The following NXN variants were observed in gnomAD, a reference collection of about 807,000 sequenced individuals.
The protein encoded by NXN is nucleoredoxin 1.
Under a neutral mutation model 48.6 loss-of-function variants are expected in NXN, and 16 were observed. That is an observed-to-expected ratio of 0.33 (90% CI 0.22 to 0.50). NXN has a LOEUF of 0.50. Ranked by LOEUF, NXN falls within the 20% of genes least tolerant of loss-of-function variation. The pLI, the probability that NXN is intolerant of heterozygous loss-of-function variation, is 0.98. For synonymous variants in NXN, 281 were observed against 269.6 expected (o/e 1.04, Z -0.41); for missense variants, 492 against 605.5 (o/e 0.81, Z 1.97).
At chr17:811,843 C>A (rs936660592) in intron 5 of NXN, among the ~76,000 whole-genome samples, 3 of 151,856 alleles carry the variant, frequency 2.0e-5, no homozygotes, top group African/African-American at 7.3e-5. Context: ...TTTGGCAGGC[C>A]CCCTTCACTC....
chr17:806,535 T>C (rs1911535204), intron 5 of NXN, among the ~76,000 whole-genome samples: 1 of 152,012 alleles, frequency 6.6e-6, no homozygotes, highest in African/African-American at 2.4e-5. Context: ...CGGCCCACCC[T>C]TCGGGGACCT....
intron 1 of NXN, chr17:864,065 GA>G: frequency 6.8e-7 from 1 of 1,472,400 alleles, no homozygotes; most frequent in South Asian, 1.3e-5. Flanking sequence ...CGGTTCCGGT[GA>G]AGGGGCACAG....
intron 1 of NXN, among the ~76,000 whole-genome samples, chr17:900,179 C>T (rs1351912672): frequency 6.6e-6 from 1 of 151,634 alleles, no homozygotes; most frequent in Non-Finnish European, 1.5e-5. Context: ...GCAGGAGAAT[C>T]GCTTGAACCC....
chr17:900,610 G>A (rs777086298), intron 1 of NXN, among the ~76,000 whole-genome samples: 1 of 152,140 alleles, frequency 6.6e-6, no homozygotes, highest in Non-Finnish European at 1.5e-5. Flanking sequence ...GAATCTGCCC[G>A]TTCAAGGAGA....
At chr17:873,845 G>A (rs137906001) in intron 1 of NXN, among the ~76,000 whole-genome samples, 58 of 152,246 alleles carry the variant, frequency 3.8e-4, no homozygotes, top group Non-Finnish European at 7.5e-4. Flanking sequence ...ATAGGACAGT[G>A]AGTGAGGGAG....
chr17:960,600 T>A (rs1469639168), intron 1 of NXN, among the ~76,000 whole-genome samples: 1 of 67,398 alleles, frequency 1.5e-5, no homozygotes, highest in Non-Finnish European at 4.7e-5. Flanking sequence ...CACCTCAGCA[T>A]CCTGAGTAGC....
chr17:811,130 G>A (rs1432963885), intron 5 of NXN, among the ~76,000 whole-genome samples: 1 of 152,232 alleles, frequency 6.6e-6, no homozygotes, highest in East Asian at 1.9e-4. Flanking sequence ...GGCAGAGCGG[G>A]AGGAGGTGGC....
intron 1 of NXN, chr17:929,843 T>C (rs1354157765): frequency 6.6e-6 from 1 of 152,120 alleles, no homozygotes; most frequent in Non-Finnish European, 1.5e-5. Context: ...CAAAGACAGC[T>C]GATTCCCATT....
At chr17:803,590 G>C in intron 7 of NXN, 92 bp downstream of exon 7, 1 of 1,532,236 alleles carries the variant, frequency 6.5e-7, no homozygotes, top group Non-Finnish European at 9.0e-7. Flanking sequence ...CTGACCCTGG[G>C]GTCCTTTCAG....
chr17:811,626 C>T (rs907282734), intron 5 of NXN, among the ~76,000 whole-genome samples: 2 of 152,150 alleles, frequency 1.3e-5, no homozygotes, highest in Admixed American at 6.5e-5. Context: ...TCACACAGCC[C>T]GGCTCAGCCC....
At chr17:931,936 T>C (rs542676938) in intron 1 of NXN, among the ~76,000 whole-genome samples, 144 of 147,144 alleles carry the variant, frequency 9.8e-4, no homozygotes, top group Non-Finnish European at 1.9e-3. Flanking sequence ...TCGAGGCCAG[T>C]AGATCAAGAC....
rs757561800 is a variant in NXN at position 805,097 on chromosome 17, T to G, written c.971A>C (p.Asn324Thr). 1 of 1,602,886 alleles carries G rather than the reference T, an allele frequency of 6.2e-7. No homozygotes were observed. The highest frequency in any genetic ancestry group is 8.5e-7 in the Non-Finnish European group (1 of 1,174,906). Residue 324 changes from asparagine to threonine, a missense_variant, in exon 6 of 8, where the codon AAC becomes ACC. Physicochemically the swap from Asn to Thr is moderately conservative, Grantham distance 65. Transcript: ENST00000336868. ...AAAAAGGACGAGGCAGGGGCCCTCG[T>G]TAAGCTGCGCGGCGTTGGAGTCGGA... The part of the protein sequence containing the change: ...ELSDSNAAQL[N>T]EGPCLVLFVD...
intron 1 of NXN, among the ~76,000 whole-genome samples, chr17:894,820 A>T (rs2068458779): frequency 6.6e-6 from 1 of 151,994 alleles, no homozygotes. Flanking sequence ...ACCCCCTTCC[A>T]TCTGAAAACA....
rs868025767 is a variant in NXN, at chr17:941,625, A to C, written c.360+37694T>G. On this transcript the variant is annotated intron_variant, in intron 1 of 7. Transcript: ENST00000336868. ...CCAGGGTGCAGCCATGAATTCACCA[A>C]ACACCTCCCTGGATTTACAGCGAAC... Among the ~76,000 whole-genome samples, 33 of 19,366 alleles carry C rather than the reference A, an allele frequency of 1.7e-3. 1 individual carries two copies. Among genetic ancestry groups the C allele is most frequent in the Admixed American group, 2.9e-3 (6 of 2,088 alleles). 12.7% of individuals were successfully genotyped at this position (19,366 alleles called of 152,430 possible). A position where few individuals can be genotyped will look rare whatever the true frequency, so the allele number is the denominator to read the frequency against.
intron 1 of NXN, among the ~76,000 whole-genome samples, chr17:829,250 G>A (rs1302700524): frequency 2.0e-5 from 3 of 151,080 alleles, no homozygotes; most frequent in East Asian, 1.9e-4. Context: ...TCTGCCTCCC[G>A]GGTTCAACGA....
intron 1 of NXN, among the ~76,000 whole-genome samples, chr17:850,082 CCTAA>C (rs771976085): frequency 9.5e-5 from 14 of 147,092 alleles, no homozygotes; most frequent in South Asian, 2.1e-4. Context: ...GTAAACAACT[CCTAA>C]CTAAGACAGG....
rs1567827620 is a variant in NXN at position 841,475 on chromosome 17, A to ACAG, written c.361-15398_361-15397insCTG. The stretch of plus-strand genomic sequence containing the variant: ...GACCACGGCGCATCTCACACGGGCG[A>ACAG]GCAGGTCCCCCCTGACCACGGCGCA... On this transcript the variant is annotated intron_variant, in intron 1 of 7. Transcript: ENST00000336868. 1.6e-3 allele frequency among the ~76,000 whole-genome samples: 168 copies of ACAG among 102,770 alleles called. 2 individuals are homozygous for ACAG. Among genetic ancestry groups the ACAG allele is most frequent in the African/African-American group, 3.6e-3 (98 of 26,870 alleles). The allele number at this position is 102,770 out of a possible 152,430, so 67.4% of individuals were successfully genotyped here. A position where few individuals can be genotyped will look rare whatever the true frequency, so the allele number is the denominator to read the frequency against.
intron 1 of NXN, among the ~76,000 whole-genome samples, chr17:931,100 T>C (rs2068848603): frequency 6.6e-6 from 1 of 151,988 alleles, no homozygotes; most frequent in Non-Finnish European, 1.5e-5. Context: ...GCTAAATCGA[T>C]CTCTAGCCTA....
intron 1 of NXN, among the ~76,000 whole-genome samples, chr17:852,376 G>A (rs1170061042): frequency 6.6e-6 from 1 of 152,088 alleles, no homozygotes; most frequent in African/African-American, 2.4e-5. Flanking sequence ...AGGATCCCTG[G>A]GACCCCCCGT....
Sources: gnomAD v4.1 joint callset for allele counts (sites outside exome capture counted in the v4.1 genomes callset) on GRCh38, gnomAD v4.1.1 for gene constraint, MANE v1.5 for transcripts, NCBI Gene and HGNC (gene_info 2026-07-23, HGNC 2026-07-21) for gene names.